CYP4A22: variants seen among roughly 807,000 people sequenced by gnomAD.
The protein encoded by CYP4A22 is cytochrome P450 4A22.
CYP4A22 carries 46 observed loss-of-function variants against 56.2 expected under a neutral mutation model. That is an observed-to-expected ratio of 0.82 (90% CI 0.65 to 1.05). The LOEUF (loss-of-function observed/expected upper bound fraction) is 1.05. Among genes scored for constraint, CYP4A22 ranks in the 50% least tolerant of loss-of-function variants. CYP4A22 has a pLI of 0.00. For synonymous variants in CYP4A22, 193 were observed against 251.1 expected (o/e 0.77, Z 2.19); for missense variants, 541 against 645.9 (o/e 0.84, Z 1.76).
rs1645110426 is a variant in CYP4A22 at position 47,149,663 on chromosome 1, C to T, written c.*866C>T. On this transcript the variant is annotated 3_prime_UTR_variant, in exon 12 of 12. Transcript: ENST00000371891. ...CTGCCCATACACCTGTCTCCTTCTT[C>T]CTGCCTGCTTGTCTGTTCCTATATT... is the stretch of plus-strand genomic sequence containing the variant. 6.6e-6 allele frequency: 1 copy of T among 152,238 alleles called. No individual in the cohort carries two copies. The highest frequency in any genetic ancestry group is 1.5e-5 in the Non-Finnish European group (1 of 68,054). 9.4% of individuals were successfully genotyped at this position (152,238 alleles called of 1,614,324 possible).
intron 8 of CYP4A22, 48 bp from the exon 9 acceptor site, chr1:47,144,789 C>T (rs1333731214): frequency 6.2e-7 from 1 of 1,611,802 alleles, no homozygotes; most frequent in Non-Finnish European, 8.5e-7. Flanking sequence ...CCACAGGGGC[C>T]CCTGGTCTGC....
intron 11 of CYP4A22, among the ~76,000 whole-genome samples, chr1:47,148,145 G>A (rs1286405715): frequency 2.0e-5 from 3 of 152,184 alleles, no homozygotes; most frequent in African/African-American, 7.2e-5. Flanking sequence ...GACCCCCTAT[G>A]AGGATTCAGG....
chr1:47,144,800 C>G (rs747220434), intron 8 of CYP4A22, 37 bp from the exon 9 acceptor site: 192 of 1,612,410 alleles, frequency 1.2e-4, no homozygotes, highest in Non-Finnish European at 1.6e-4. Flanking sequence ...CCTGGTCTGC[C>G]CAGGCCTTGC....
chr1:47,144,869 T>A lies in CYP4A22; in HGVS notation c.1121T>A (p.Met374Lys). 1 of 1,614,110 alleles carries A rather than the reference T, an allele frequency of 6.2e-7. No individual in the cohort carries two copies. The highest frequency in any genetic ancestry group is 1.1e-5 in the South Asian group (1 of 91,064). The change falls in exon 9 of 12, where the codon ATG (methionine) becomes AAG (lysine). Residue 374 changes from methionine to lysine, a missense_variant. Physicochemically the swap from Met to Lys is moderately conservative, Grantham distance 95 (BLOSUM62 -1). Around this residue, in one of 3 missense-constraint regions of CYP4A22, gnomAD observed 204 missense variants for 258.9 expected, o/e 0.79. Coordinates refer to ENST00000371891, the MANE Select transcript of CYP4A22 (RefSeq NM_001010969.4). ...NHLDQMPYTT[M>K]CIKEALRLYP... ...CTGGACCAGATGCCCTACACCACCA[T>A]GTGCATTAAGGAGGCACTGAGGCTC... is the stretch of plus-strand genomic sequence containing the variant.
rs377247931 is a variant in CYP4A22, at chr1:47,148,667, G to T, written c.1430G>T (p.Arg477Leu). 1.2e-6 allele frequency: 2 copies of T among 1,613,946 alleles called. No homozygotes were observed. The highest frequency in any genetic ancestry group is 1.3e-5 in the African/African-American group (1 of 74,898). Residue 477 changes from arginine to leucine, a missense_variant, in exon 12 of 12, where the codon CGC becomes CTC. Arg to Leu is a moderately radical substitution (Grantham distance 102, BLOSUM62 -2). This residue lies in a region of CYP4A22 where 204 missense variants were observed against 258.9 expected (regional missense o/e 0.79). Transcript: ENST00000371891. ...GTGGCCAGGGCCCTGACCCTGCTCC[G>T]CTTTGAGCTGCTGCCTGATCCCACC... ...LKVARALTLL[R>L]FELLPDPTRI...
At position 47,137,579 on chromosome 1, in the gene CYP4A22, A is replaced by T. The variant is rs762906910; in HGVS notation, c.94A>T (p.Ile32Phe). Reference sequence around the variant, plus strand: ...CCTGCTCATTCTGCTTCTGCTGCTGATCAAGGCAGCTCAGCTCTACCTGCA... The same window carrying T: ...CCTGCTCATTCTGCTTCTGCTGCTGTTCAAGGCAGCTCAGCTCTACCTGCA... ...TSLLILLLLLIKAAQLYLHRQ... is the reference protein window; with the variant it reads ...TSLLILLLLLFKAAQLYLHRQ... The change falls in exon 1 of 12, where the codon ATC becomes TTC. Residue 32 changes from isoleucine to phenylalanine, a missense_variant. By Grantham distance (21) the Ile-to-Phe change is conservative. Transcript: ENST00000371891. 1 of 1,614,166 alleles carries T rather than the reference A, an allele frequency of 6.2e-7. No individual in the cohort carries two copies. The highest frequency in any genetic ancestry group is 8.5e-7 in the Non-Finnish European group (1 of 1,180,016).
intron 2 of CYP4A22, 124 bp downstream of exon 2, chr1:47,141,045 C>G (rs1361919756): frequency 7.1e-7 from 1 of 1,402,716 alleles, no homozygotes; most frequent in Non-Finnish European, 9.6e-7. Context: ...TCCCACGCAT[C>G]CACCAAGCCC....
In CYP4A22 at chr1:47,145,879, C is replaced by T. The variant is rs150951823; in HGVS notation, c.1236C>T (p.Leu412=). 913 of 1,614,056 alleles carry T rather than the reference C, an allele frequency of 5.7e-4. No individual in the cohort carries two copies. Among genetic ancestry groups the T allele is most frequent in the Non-Finnish European group, 7.4e-4 (878 of 1,180,038 alleles). The stretch of plus-strand genomic sequence containing the variant: ...CCTGCACCACAGGTATCATGGTCCT[C>T]CTCTCCATTTATGGCCTTCACCACA... ...GRSLPKGIMV[L]LSIYGLHHNP... The change falls in exon 10 of 12, where the codon CTC becomes CTT. Residue 412 remains leucine (L), a synonymous_variant. Coordinates refer to ENST00000371891, the MANE Select transcript of CYP4A22 (RefSeq NM_001010969.4).
intron 3 of CYP4A22, 127 bp downstream of exon 3, chr1:47,141,742 C>A: frequency 7.8e-7 from 1 of 1,289,642 alleles, no homozygotes; most frequent in Non-Finnish European, 1.1e-6. Context: ...AGCCTCATTT[C>A]CCTCTTCTAA....
chr1:47,146,042 C>G (rs1285326385), intron 10 of CYP4A22, 35 bp from the exon 11 acceptor site: 5 of 1,614,202 alleles, frequency 3.1e-6, no homozygotes, highest in Non-Finnish European at 4.2e-6. Flanking sequence ...GGTGCTGGAT[C>G]CTTAACTATC....
At chr1:47,137,727 G>A in intron 1 of CYP4A22, 47 bp downstream of exon 1, 1 of 1,557,074 alleles carries the variant, frequency 6.4e-7, no homozygotes. Context: ...GAGGGATGCG[G>A]CTCTGAGACC....
Position 47,146,228 on chromosome 1 carries a change from C to T in CYP4A22, c.1364+75C>T, listed in dbSNP as rs149141537. 7.8e-5 allele frequency: 126 copies of T among 1,611,190 alleles called. 1 individual carries two copies. The African/African-American group carries it at 1.5e-3, about 19-fold the overall frequency. ...GGTCAACCCTCTGATCTTTGTGAGCCCGATGTTCATATGTGGCATCTTCAG... is the reference window on the plus strand; with the variant it reads ...GGTCAACCCTCTGATCTTTGTGAGCTCGATGTTCATATGTGGCATCTTCAG... On this transcript the variant is annotated intron_variant, in intron 11 of 11. Coordinates refer to ENST00000371891, the MANE Select transcript of CYP4A22 (RefSeq NM_001010969.4).
At chr1:47,141,448 G>C in intron 2 of CYP4A22, 123 bp from the exon 3 acceptor site, 1 of 1,056,800 alleles carries the variant, frequency 9.5e-7, no homozygotes, top group Non-Finnish European at 1.4e-6. Context: ...AAGTGGATGG[G>C]AGTCAAGTGG....
At position 47,143,803 on chromosome 1, in the gene CYP4A22, G is replaced by A. The variant is rs35202523; in HGVS notation, c.677G>A (p.Ser226Asn). The A allele has an allele frequency of 6.2e-7, 1 of 1,613,982 alleles. No homozygotes were observed. The highest frequency in any genetic ancestry group is 1.7e-5 in the Admixed American group (1 of 60,012). The change falls in exon 6 of 12, where the codon AGC becomes AAC. Residue 226 changes from serine (S) to asparagine (N), a missense_variant. By Grantham distance (46) the Ser-to-Asn change is conservative (BLOSUM62 1). Transcript: ENST00000371891. ...SYIQAISDLN[S>N]LVFCCMRNAF... ...ATCCAGGCCATTAGTGACCTGAACAGCCTGGTTTTTTGCTGTATGAGGAAT... is the reference window on the plus strand; with the variant it reads ...ATCCAGGCCATTAGTGACCTGAACAACCTGGTTTTTTGCTGTATGAGGAAT...
chr1:47,146,181 T>C (rs771964414), intron 11 of CYP4A22, 28 bp downstream of exon 11: 7 of 1,614,170 alleles, frequency 4.3e-6, no homozygotes, highest in Admixed American at 1.7e-5. Context: ...GTAATTGGAA[T>C]AGAGAAATGA....
chr1:47,148,648 A>G lies in CYP4A22; in HGVS notation c.1411A>G (p.Arg471Gly), dbSNP rs753253715. The stretch of plus-strand genomic sequence containing the variant: ...TGCCATGAACCAGCTGAAGGTGGCC[A>G]GGGCCCTGACCCTGCTCCGCTTTGA... ...QFAMNQLKVA[R>G]ALTLLRFELL... Residue 471 changes from arginine to glycine, a missense_variant, in exon 12 of 12, where the codon AGG (arginine) becomes GGG (glycine). Arg to Gly is a moderately radical substitution (Grantham distance 125, BLOSUM62 -2). Around this residue, in one of 3 missense-constraint regions of CYP4A22, gnomAD observed 204 missense variants for 258.9 expected, o/e 0.79. Transcript: ENST00000371891. 6.2e-7 allele frequency: 1 copy of G among 1,613,658 alleles called. No homozygotes were observed. Among genetic ancestry groups the G allele is most frequent in the East Asian group, 2.2e-5 (1 of 44,876 alleles).
intron 9 of CYP4A22, among the ~76,000 whole-genome samples, chr1:47,145,362 T>C (rs1645064441): frequency 6.6e-6 from 1 of 152,138 alleles, no homozygotes; most frequent in Non-Finnish European, 1.5e-5. Context: ...AACCCTCAGG[T>C]TGATGGCAGA....
intron 3 of CYP4A22, 97 bp from the exon 4 acceptor site, chr1:47,142,010 CA>C: frequency 6.6e-7 from 1 of 1,509,382 alleles, no homozygotes; most frequent in Non-Finnish European, 8.9e-7. Context: ...GTTCTTCCCC[CA>C]GGAAGCCACC....
In CYP4A22 at chr1:47,148,693, A is replaced by G. The variant is rs781241287; in HGVS notation, c.1456A>G (p.Arg486Gly). ...CTTTGAGCTGCTGCCTGATCCCACC[A>G]GGATCCCCATCCCCATGGCACGACT... ...LRFELLPDPT[R>G]IPIPMARLVL... The change falls in exon 12 of 12, where the codon AGG (arginine) becomes GGG (glycine). Residue 486 changes from arginine to glycine, a missense_variant. Around this residue, in one of 3 missense-constraint regions of CYP4A22, gnomAD observed 204 missense variants for 258.9 expected, o/e 0.79. Coordinates refer to ENST00000371891, the MANE Select transcript of CYP4A22 (RefSeq NM_001010969.4). 1 of 1,614,092 alleles carries G rather than the reference A, an allele frequency of 6.2e-7. No individual in the cohort carries two copies. The highest frequency in any genetic ancestry group is 1.1e-5 in the South Asian group (1 of 91,076).
Sources: gnomAD v4.1 joint callset for allele counts (sites outside exome capture counted in the v4.1 genomes callset) on GRCh38, gnomAD v4.1.1 for gene constraint, gnomAD v4.1.1 regional missense constraint, MANE v1.5 for transcripts, NCBI Gene and HGNC (gene_info 2026-07-23, HGNC 2026-07-21) for gene names.